Variants in ARFIP1 observed in about 807,000 individuals in gnomAD.
ARFIP1 encodes the protein ARF interacting protein 1.
A neutral mutation model predicts 42.5 loss-of-function variants in ARFIP1; 24 were observed. That is an observed-to-expected ratio of 0.57 (90% CI 0.41 to 0.80). ARFIP1 has a LOEUF of 0.80. Ranked by LOEUF, ARFIP1 falls within the 30% of genes least tolerant of loss-of-function variation. The pLI, the probability that ARFIP1 is intolerant of heterozygous loss-of-function variation, is 0.00. For missense variants in ARFIP1, 354 were observed against 434.0 expected (o/e 0.82, Z 1.64); for synonymous variants, 141 against 153.7 (o/e 0.92, Z 0.61).
intron 2 of ARFIP1, among the ~76,000 whole-genome samples, chr4:152,857,457 T>C (rs955394410): frequency 6.6e-6 from 1 of 152,232 alleles, no homozygotes; most frequent in African/African-American, 2.4e-5. Context: ...ACCATATTGC[T>C]AGTTAATATC....
At chr4:152,824,051 G>A (rs955804668) in intron 1 of ARFIP1, among the ~76,000 whole-genome samples, 4 of 152,014 alleles carry the variant, frequency 2.6e-5, no homozygotes, top group Non-Finnish European at 5.9e-5. Context: ...AGTGTCTCCC[G>A]CCTGTAATCC....
At chr4:152,881,939 T>C (rs181894627) in intron 6 of ARFIP1, among the ~76,000 whole-genome samples, 58 of 152,318 alleles carry the variant, frequency 3.8e-4, no homozygotes, top group South Asian at 1.4e-3. Flanking sequence ...GAAAAGTGTT[T>C]TGTAACAAAC....
chr4:152,885,442 G>A (rs1375523876), intron 7 of ARFIP1, among the ~76,000 whole-genome samples: 1 of 152,046 alleles, frequency 6.6e-6, no homozygotes, highest in Non-Finnish European at 1.5e-5. Context: ...CTTTTCAGAT[G>A]TGGACACCTG....
At chr4:152,837,550 A>G (rs753707104) in intron 2 of ARFIP1, among the ~76,000 whole-genome samples, 11 of 152,048 alleles carry the variant, frequency 7.2e-5, no homozygotes, top group Non-Finnish European at 1.5e-4. Flanking sequence ...ATTTTTTCAT[A>G]TGTTTGTTGG....
chr4:152,902,159 A>G (rs987939398), intron 8 of ARFIP1, among the ~76,000 whole-genome samples: 1 of 152,184 alleles, frequency 6.6e-6, no homozygotes, highest in Non-Finnish European at 1.5e-5. Flanking sequence ...AAATTACTTA[A>G]CTTTCTGAGT....
intron 8 of ARFIP1, among the ~76,000 whole-genome samples, chr4:152,889,580 T>A (rs11727038): frequency 1.6e-5 from 2 of 124,440 alleles, no homozygotes; most frequent in African/African-American, 6.2e-5. Flanking sequence ...TATATATAAA[T>A]ATATATACAC....
At chr4:152,824,350 G>A (rs1014434911) in intron 1 of ARFIP1, among the ~76,000 whole-genome samples, 56 of 151,664 alleles carry the variant, frequency 3.7e-4, no homozygotes, top group Non-Finnish European at 7.7e-4. Flanking sequence ...CTCCATGATC[G>A]AGTGAATTTC....
chr4:152,884,622 A>C (rs1736119836), intron 7 of ARFIP1, among the ~76,000 whole-genome samples: 1 of 151,950 alleles, frequency 6.6e-6, no homozygotes, highest in Non-Finnish European at 1.5e-5. Context: ...CTATCCTGAA[A>C]TATATTTTCG....
intron 8 of ARFIP1, among the ~76,000 whole-genome samples, chr4:152,894,140 G>A (rs1021984704): frequency 3.2e-4 from 48 of 151,238 alleles, no homozygotes; most frequent in African/African-American, 1.2e-3. Context: ...CCTGGGAGGC[G>A]GAGGTTGCAG....
At chr4:152,891,860 A>G (rs906830477) in intron 8 of ARFIP1, among the ~76,000 whole-genome samples, 65 of 151,470 alleles carry the variant, frequency 4.3e-4, no homozygotes, top group African/African-American at 1.5e-3. Flanking sequence ...GGTGCGTGCC[A>G]TCATGCCCAG....
intron 1 of ARFIP1, among the ~76,000 whole-genome samples, chr4:152,815,307 C>G (rs1366123411): frequency 6.6e-6 from 1 of 152,094 alleles, no homozygotes; most frequent in Non-Finnish European, 1.5e-5. Flanking sequence ...CAACAGAGAC[C>G]TTATGGCCCA....
chr4:152,805,455 G>A (rs1318971514), intron 1 of ARFIP1, among the ~76,000 whole-genome samples: 1 of 152,216 alleles, frequency 6.6e-6, no homozygotes. Flanking sequence ...GGATTTGGCA[G>A]TTTGCACTGC....
intron 1 of ARFIP1, among the ~76,000 whole-genome samples, chr4:152,817,878 G>T (rs1348898591): frequency 6.6e-6 from 1 of 152,030 alleles, no homozygotes; most frequent in Non-Finnish European, 1.5e-5. Context: ...TAACCATTAG[G>T]GTAATGCAAA....
At chr4:152,837,153 C>T (rs547546551) in intron 2 of ARFIP1, among the ~76,000 whole-genome samples, 4 of 152,210 alleles carry the variant, frequency 2.6e-5, no homozygotes, top group Admixed American at 1.3e-4. Flanking sequence ...TATATATACA[C>T]CACAGTTTCT....
chr4:152,863,579 T>C, intron 2 of ARFIP1, 27 bp from the exon 3 acceptor site: 1 of 1,356,000 alleles, frequency 7.4e-7, no homozygotes, highest in Non-Finnish European at 1.0e-6. Flanking sequence ...TTTACAAAGT[T>C]TTTTCTTTTA....
intron 2 of ARFIP1, among the ~76,000 whole-genome samples, chr4:152,831,399 C>T (rs1398724972): frequency 6.6e-6 from 1 of 152,134 alleles, no homozygotes; most frequent in Non-Finnish European, 1.5e-5. Context: ...GAAAATGTTG[C>T]ATTCATGGTT....
chr4:152,870,957 G>T (rs1484719072), intron 4 of ARFIP1, 109 bp downstream of exon 4: 2 of 813,498 alleles, frequency 2.5e-6, no homozygotes, highest in Non-Finnish European at 3.7e-6. Context: ...GTGTGATTCT[G>T]ACTTTTTTGG....
chr4:152,885,720 C>T (rs1054676680), intron 7 of ARFIP1, among the ~76,000 whole-genome samples: 3 of 151,774 alleles, frequency 2.0e-5, no homozygotes, highest in Middle Eastern at 3.2e-3. Context: ...TTTAGAAATG[C>T]GCTCCAAGGC....
intron 5 of ARFIP1, among the ~76,000 whole-genome samples, chr4:152,875,277 A>G (rs1235804454): frequency 6.6e-6 from 1 of 151,228 alleles, no homozygotes; most frequent in Non-Finnish European, 1.5e-5. Flanking sequence ...ATTTTCATCT[A>G]CAGAAATAGT....
Sources: gnomAD v4.1 joint callset for allele counts (sites outside exome capture counted in the v4.1 genomes callset) on GRCh38, gnomAD v4.1.1 for gene constraint, MANE v1.5 for transcripts, NCBI Gene and HGNC (gene_info 2026-07-23, HGNC 2026-07-21) for gene names.